SLC24A2: variants seen among roughly 807,000 people sequenced by gnomAD.
SLC24A2 encodes sodium/potassium/calcium exchanger 2.
A neutral mutation model predicts 62.0 loss-of-function variants in SLC24A2; 36 were observed. The observed-to-expected ratio is 0.58, with a 90% CI of 0.44 to 0.77. The LOEUF is 0.77. Among genes scored for constraint, SLC24A2 ranks in the 30% least tolerant of loss-of-function variants. The pLI, the probability that SLC24A2 is intolerant of heterozygous loss-of-function variation, is 0.00. For missense variants in SLC24A2, 846 were observed against 817.9 expected, an observed-to-expected ratio of 1.03 and a Z score of -0.42; for synonymous variants, 358 against 294.0, an observed-to-expected ratio of 1.22 and a Z score of -2.23.
intron 2 of SLC24A2, among the ~76,000 whole-genome samples, chr9:19,692,706 G>A (rs1038650274): frequency 6.6e-6 from 1 of 152,046 alleles, no homozygotes; most frequent in Non-Finnish European, 1.5e-5. Flanking sequence ...TATTTGCTGT[G>A]TTTATTGTCT....
At chr9:20,158,562 G>A in the SLC24A2 span, among the ~76,000 whole-genome samples, 15 of 151,488 alleles carry the variant, frequency 9.9e-5, no homozygotes, top group African/African-American at 3.6e-4. Flanking sequence ...TTCCCATCCA[G>A]AACAATAAGA....
At chr9:19,595,783 C>G (rs1217524543) in intron 5 of SLC24A2, among the ~76,000 whole-genome samples, 6 of 152,096 alleles carry the variant, frequency 3.9e-5, no homozygotes, top group Non-Finnish European at 8.8e-5. Context: ...AGGTAATGGA[C>G]AGGATGGAGG....
At position 19,508,172 on chromosome 9, in the gene SLC24A2, A is replaced by C. The variant is rs889434009; in HGVS notation, c.*7981T>G. The C allele has an allele frequency of 5.9e-5, 9 of 152,344 alleles. No homozygotes were observed. The highest frequency in any genetic ancestry group is 5.9e-4 in the Admixed American group (9 of 15,306). 9.4% of individuals were successfully genotyped at this position (152,344 alleles called of 1,614,324 possible). On this transcript the variant is annotated 3_prime_UTR_variant, in exon 11 of 11. Transcript: ENST00000341998. ...TCCGGAGTTTTTTGACTTGAGCAGA[A>C]GAAATATCAAGGCTAGATGCAGGGT...
the SLC24A2 span, among the ~76,000 whole-genome samples, chr9:19,850,634 G>T: frequency 2.7e-4 from 41 of 151,790 alleles, no homozygotes; most frequent in Admixed American, 5.9e-4. Context: ...TCCCATCCCA[G>T]CCTTAAGCAA....
At chr9:19,565,091 C>T (rs955454148) in intron 7 of SLC24A2, among the ~76,000 whole-genome samples, 1 of 151,988 alleles carries the variant, frequency 6.6e-6, no homozygotes, top group Non-Finnish European at 1.5e-5. Context: ...CTATTCAACA[C>T]AGTGTTGGAA....
chr9:20,169,950 G>A, the SLC24A2 span, among the ~76,000 whole-genome samples: 1 of 151,708 alleles, frequency 6.6e-6, no homozygotes, highest in Non-Finnish European at 1.5e-5. Context: ...AGAAGTGAAG[G>A]GATAAATATT....
chr9:20,093,200 G>A, the SLC24A2 span, among the ~76,000 whole-genome samples: 1 of 151,824 alleles, frequency 6.6e-6, no homozygotes, highest in East Asian at 1.9e-4. Context: ...GCCTTCCTGA[G>A]TAGCTGGGAT....
At chr9:20,200,496 C>T in the SLC24A2 span, among the ~76,000 whole-genome samples, 44 of 152,364 alleles carry the variant, frequency 2.9e-4, no homozygotes, top group African/African-American at 1.0e-3. Flanking sequence ...ACTCAACTGC[C>T]TTGGATCACT....
At chr9:20,182,223 C>T in the SLC24A2 span, among the ~76,000 whole-genome samples, 10 of 152,076 alleles carry the variant, frequency 6.6e-5, no homozygotes, top group African/African-American at 1.4e-4. Flanking sequence ...AGTGATTCCT[C>T]GAGTGATTCC....
the SLC24A2 span, among the ~76,000 whole-genome samples, chr9:20,288,256 A>C: frequency 3.3e-5 from 5 of 152,174 alleles, no homozygotes; most frequent in Non-Finnish European, 7.4e-5. Context: ...AGGCCAGGGA[A>C]GGTCAGACTT....
At chr9:20,052,267 C>A in the SLC24A2 span, among the ~76,000 whole-genome samples, 4 of 152,162 alleles carry the variant, frequency 2.6e-5, no homozygotes, top group Non-Finnish European at 5.9e-5. Context: ...AGAATCCCAA[C>A]TCCCCTTCTA....
chr9:20,002,867 A>C, the SLC24A2 span, among the ~76,000 whole-genome samples: 1 of 152,202 alleles, frequency 6.6e-6, no homozygotes, highest in African/African-American at 2.4e-5. Flanking sequence ...TCTTAGCTGT[A>C]GCCTCCACAC....
the SLC24A2 span, among the ~76,000 whole-genome samples, chr9:20,023,591 AT>A: frequency 6.6e-6 from 1 of 152,280 alleles, no homozygotes; most frequent in South Asian, 2.1e-4. Flanking sequence ...ATCCCAAGAT[AT>A]GTCAAAGTAC....
At chr9:20,167,279 T>A in the SLC24A2 span, among the ~76,000 whole-genome samples, 2 of 151,724 alleles carry the variant, frequency 1.3e-5, no homozygotes. Context: ...TTTGTTTTTA[T>A]AATGGTATGT....
intron 3 of SLC24A2, 147 bp from the exon 4 acceptor site, chr9:19,619,839 A>G: frequency 1.4e-6 from 1 of 706,226 alleles, no homozygotes. Context: ...CACATTTCAA[A>G]GCCCCTGAGG....
the SLC24A2 span, among the ~76,000 whole-genome samples, chr9:20,118,355 T>C: frequency 6.6e-6 from 1 of 152,088 alleles, no homozygotes; most frequent in Admixed American, 6.6e-5. Context: ...TTCTGAACAA[T>C]TTAAGTTTAA....
In SLC24A2 at chr9:19,613,388, G is replaced by T. The variant is rs143005343; in HGVS notation, c.1078+6196C>A. On this transcript the variant is annotated intron_variant, in intron 4 of 10. Transcript: ENST00000341998. ...AGCTTTAGAAGCAGTTCAAGACCAC[G>T]CATTTTACAATTTTCACTTCTTTGA... Among the ~76,000 whole-genome samples, 341 of 152,284 alleles carry T rather than the reference G, an allele frequency of 2.2e-3. 3 individuals carry two copies. Among genetic ancestry groups the T allele is most frequent in the African/African-American group, 7.4e-3 (308 of 41,558 alleles).
At chr9:19,526,759 T>C (rs963309977) in intron 9 of SLC24A2, among the ~76,000 whole-genome samples, 3 of 152,188 alleles carry the variant, frequency 2.0e-5, no homozygotes, top group Admixed American at 6.5e-5. Context: ...TTATCAGATA[T>C]ATATGATTTG....
At chr9:20,053,286 T>A in the SLC24A2 span, among the ~76,000 whole-genome samples, 2 of 152,106 alleles carry the variant, frequency 1.3e-5, no homozygotes, top group Non-Finnish European at 2.9e-5. Flanking sequence ...CTGTGCTACC[T>A]CCTTGGAGGG....
Sources: gnomAD v4.1 joint callset for allele counts (sites outside exome capture counted in the v4.1 genomes callset) on GRCh38, gnomAD v4.1.1 for gene constraint, MANE v1.5 for transcripts, NCBI Gene and HGNC (gene_info 2026-07-23, HGNC 2026-07-21) for gene names.